Variants in FAM107B observed in about 807,000 individuals in gnomAD.
The protein encoded by FAM107B is protein FAM107B.
Under a neutral mutation model 31.5 loss-of-function variants are expected in FAM107B, and 21 were observed. That is an observed-to-expected ratio of 0.67 (90% CI 0.47 to 0.96). The LOEUF is 0.96. Ranked by LOEUF, FAM107B falls within the 40% of genes least tolerant of loss-of-function variation. FAM107B has a pLI of 0.00. For missense variants in FAM107B, 452 were observed against 377.1 expected, an observed-to-expected ratio of 1.20 and a Z score of -1.64; for synonymous variants, 157 against 141.5, an observed-to-expected ratio of 1.11 and a Z score of -0.78.
intron 2 of FAM107B, among the ~76,000 whole-genome samples, chr10:14,533,150 T>G (rs1240092447): frequency 2.6e-5 from 4 of 152,128 alleles, no homozygotes; most frequent in Non-Finnish European, 5.9e-5. Context: ...AAAAGATTAC[T>G]CCAGCTCCCA....
chr10:14,757,765 G>A (rs1266464224), intron 1 of FAM107B, among the ~76,000 whole-genome samples: 2 of 152,174 alleles, frequency 1.3e-5, no homozygotes, highest in East Asian at 1.9e-4. Context: ...TTCTCATAAC[G>A]TCCAAGGTAA....
intron 1 of FAM107B, among the ~76,000 whole-genome samples, chr10:14,714,749 C>G (rs1333056258): frequency 6.6e-6 from 1 of 152,170 alleles, no homozygotes; most frequent in Non-Finnish European, 1.5e-5. Flanking sequence ...TTGGAAAAAA[C>G]TGAAAGAATA....
At chr10:14,545,106 AT>A (rs1378168289) in intron 2 of FAM107B, among the ~76,000 whole-genome samples, 1 of 152,118 alleles carries the variant, frequency 6.6e-6, no homozygotes, top group Non-Finnish European at 1.5e-5. Flanking sequence ...TAGACATTAA[AT>A]TTATTCCATC....
chr10:14,632,610 CAAAAAAA>C (rs5783414), intron 2 of FAM107B, among the ~76,000 whole-genome samples: 4 of 90,546 alleles, frequency 4.4e-5, no homozygotes, highest in Admixed American at 3.6e-4. Flanking sequence ...GACTCTGTCT[CAAAAAAA>C]AAAAAAAAAA....
At chr10:14,603,563 C>T (rs927821873) in intron 2 of FAM107B, among the ~76,000 whole-genome samples, 1 of 152,212 alleles carries the variant, frequency 6.6e-6, no homozygotes, top group African/African-American at 2.4e-5. Flanking sequence ...CTACATAACA[C>T]TAACACTTGG....
chr10:14,674,766 G>C (rs904455251), intron 1 of FAM107B, among the ~76,000 whole-genome samples: 1 of 152,086 alleles, frequency 6.6e-6, no homozygotes, highest in Non-Finnish European at 1.5e-5. Context: ...TCTCGCTCTC[G>C]CTCTGTTGCC....
At chr10:14,633,929 T>C (rs1332826659) in intron 2 of FAM107B, among the ~76,000 whole-genome samples, 1 of 152,212 alleles carries the variant, frequency 6.6e-6, no homozygotes, top group African/African-American at 2.4e-5. Flanking sequence ...AGGGAAGAGA[T>C]AAAACCAGTT....
chr10:14,749,787 T>C (rs1293398152), intron 1 of FAM107B, among the ~76,000 whole-genome samples: 1 of 152,166 alleles, frequency 6.6e-6, no homozygotes, highest in Non-Finnish European at 1.5e-5. Context: ...ACCATGTCTT[T>C]TGAGAAAAGG....
At chr10:14,621,848 G>A (rs1343954279) in intron 2 of FAM107B, among the ~76,000 whole-genome samples, 4 of 152,142 alleles carry the variant, frequency 2.6e-5, no homozygotes, top group Non-Finnish European at 4.4e-5. Context: ...AGAAAGGGAA[G>A]GAAAAATTCT....
chr10:14,608,917 G>C (rs186817892), intron 2 of FAM107B, among the ~76,000 whole-genome samples: 2 of 152,170 alleles, frequency 1.3e-5, no homozygotes, highest in Non-Finnish European at 2.9e-5. Flanking sequence ...ACTACAGAAT[G>C]GAGGGCAAAG....
chr10:14,607,426 G>A (rs183362317), intron 2 of FAM107B, among the ~76,000 whole-genome samples: 42 of 152,216 alleles, frequency 2.8e-4, no homozygotes, highest in Middle Eastern at 3.4e-3. Flanking sequence ...AGCCACTGTG[G>A]GGGGATCCCA....
At chr10:14,725,680 C>T (rs1183298252) in intron 1 of FAM107B, among the ~76,000 whole-genome samples, 1 of 152,116 alleles carries the variant, frequency 6.6e-6, no homozygotes, top group Non-Finnish European at 1.5e-5. Flanking sequence ...TGTCTAGTGT[C>T]TCTAATCCGA....
intron 2 of FAM107B, among the ~76,000 whole-genome samples, chr10:14,618,844 T>A (rs1416701033): frequency 7.1e-6 from 1 of 141,268 alleles, no homozygotes; most frequent in East Asian, 1.9e-4. Flanking sequence ...AAAAAAAAAA[T>A]AGTCACTGCA....
intron 2 of FAM107B, among the ~76,000 whole-genome samples, chr10:14,616,634 G>A (rs1030137667): frequency 6.6e-6 from 1 of 152,228 alleles, no homozygotes; most frequent in Non-Finnish European, 1.5e-5. Flanking sequence ...ACTCGAGAGA[G>A]TAAGGAGGCT....
intron 2 of FAM107B, among the ~76,000 whole-genome samples, chr10:14,616,748 C>A (rs1852862289): frequency 6.6e-6 from 1 of 152,074 alleles, no homozygotes. Flanking sequence ...CATGGGGAAA[C>A]CCTGCCTCTG....
At chr10:14,714,388 G>A (rs759661422) in intron 1 of FAM107B, among the ~76,000 whole-genome samples, 1 of 152,204 alleles carries the variant, frequency 6.6e-6, no homozygotes, top group Non-Finnish European at 1.5e-5. Context: ...TGGTGGACTG[G>A]CAGAGGCCTT....
chr10:14,572,254 C>G (rs1254743975), intron 2 of FAM107B: 9 of 985,338 alleles, frequency 9.1e-6, no homozygotes, highest in Non-Finnish European at 1.1e-5. Flanking sequence ...AACGTGCTGG[C>G]AGCACTGGTG....
intron 1 of FAM107B, among the ~76,000 whole-genome samples, chr10:14,722,409 A>G (rs1221737839): frequency 6.6e-6 from 1 of 152,240 alleles, no homozygotes; most frequent in Non-Finnish European, 1.5e-5. Context: ...TCCATTGTAT[A>G]GATATATTCC....
chr10:14,647,228 A>G (rs1327263499), intron 2 of FAM107B, among the ~76,000 whole-genome samples: 2 of 152,186 alleles, frequency 1.3e-5, no homozygotes, highest in African/African-American at 4.8e-5. Context: ...AGGAAAGAAA[A>G]TATTTTAAAA....
Sources: allele counts gnomAD v4.1 joint callset (sites outside exome capture counted in the v4.1 genomes callset), GRCh38; gene constraint gnomAD v4.1.1; transcripts MANE v1.5; gene names NCBI Gene and HGNC (gene_info 2026-07-23, HGNC 2026-07-21).